The following SLC4A4 variants were observed in gnomAD, a reference collection of about 807,000 sequenced individuals.
SLC4A4 encodes the protein solute carrier family 4 member 4.
A neutral mutation model predicts 111.5 loss-of-function variants in SLC4A4; 27 were observed. The ratio of observed to expected loss-of-function variants is 0.24; its 90% CI spans 0.18 to 0.33. SLC4A4 has a LOEUF of 0.33. SLC4A4 is among the 10% of genes least tolerant of loss of function. SLC4A4 has a pLI of 1.00. For missense variants in SLC4A4, 909 were observed against 1,315.5 expected, an observed-to-expected ratio of 0.69 and a Z score of 4.78; for synonymous variants, 443 against 463.4, an observed-to-expected ratio of 0.96 and a Z score of 0.57.
chr4:71,191,596 G>A (rs1175879588), intron 1 of SLC4A4, among the ~76,000 whole-genome samples: 2 of 152,168 alleles, frequency 1.3e-5, no homozygotes, highest in African/African-American at 4.8e-5. Context: ...TTAAAGTGAT[G>A]GTTTCCATTT....
chr4:71,268,419 C>T (rs534904304), intron 3 of SLC4A4, among the ~76,000 whole-genome samples: 2 of 152,246 alleles, frequency 1.3e-5, no homozygotes, highest in Non-Finnish European at 2.9e-5. Flanking sequence ...CCCTCAATGT[C>T]GTCCATCCAA....
chr4:71,354,312 T>C (rs549012941), intron 5 of SLC4A4, among the ~76,000 whole-genome samples: 5 of 152,374 alleles, frequency 3.3e-5, no homozygotes, highest in Admixed American at 2.6e-4. Context: ...TGTTGGCAGA[T>C]GTATTGGTCC....
chr4:71,328,538 T>C (rs1199579263), intron 3 of SLC4A4, among the ~76,000 whole-genome samples: 1 of 152,132 alleles, frequency 6.6e-6, no homozygotes, highest in Admixed American at 6.6e-5. Flanking sequence ...TATGATCTCA[T>C]TGTAGTTTTG....
chr4:71,094,599 T>G (rs188049872), intron 2 of SLC4A4, among the ~76,000 whole-genome samples: 78 of 152,344 alleles, frequency 5.1e-4, no homozygotes, highest in Non-Finnish European at 9.4e-4. Flanking sequence ...GATATGTAGT[T>G]AGGGGAAGCT....
chr4:71,157,482 C>A (rs111323160), intron 2 of SLC4A4, among the ~76,000 whole-genome samples: 2,023 of 152,026 alleles, frequency 0.013, 44 homozygotes, highest in African/African-American at 0.047. Flanking sequence ...TTTTTTATGT[C>A]TAGATCTTTT....
At chr4:71,438,397 A>G in intron 7 of SLC4A4, among the ~76,000 whole-genome samples, 1 of 152,230 alleles carries the variant, frequency 6.6e-6, no homozygotes, top group East Asian at 1.9e-4. Flanking sequence ...CAATGTGATA[A>G]TAAGACTTGT....
chr4:71,115,327 A>G (rs892072693), intron 2 of SLC4A4, among the ~76,000 whole-genome samples: 8 of 152,134 alleles, frequency 5.3e-5, no homozygotes, highest in Non-Finnish European at 8.8e-5. Flanking sequence ...CCTAAAACTT[A>G]AAGTGTAATA....
At chr4:71,433,313 GT>G (rs1440946507) in intron 7 of SLC4A4, among the ~76,000 whole-genome samples, 1 of 151,306 alleles carries the variant, frequency 6.6e-6, no homozygotes, top group African/African-American at 2.4e-5. Flanking sequence ...AACTCTGTGT[GT>G]TCCCATCTAA....
intron 1 of SLC4A4, among the ~76,000 whole-genome samples, chr4:71,088,836 C>G (rs1410905177): frequency 6.6e-6 from 1 of 152,040 alleles, no homozygotes; most frequent in Non-Finnish European, 1.5e-5. Flanking sequence ...CTGCCCTTAA[C>G]ATTTTTTCCT....
intron 2 of SLC4A4, among the ~76,000 whole-genome samples, chr4:71,100,894 G>C (rs1742709794): frequency 6.6e-6 from 1 of 152,222 alleles, no homozygotes; most frequent in Non-Finnish European, 1.5e-5. Flanking sequence ...CCAGGGAGGT[G>C]AAAGATTTCT....
At chr4:71,157,518 A>G (rs776714983) in intron 2 of SLC4A4, among the ~76,000 whole-genome samples, 1 of 152,186 alleles carries the variant, frequency 6.6e-6, no homozygotes, top group Non-Finnish European at 1.5e-5. Context: ...AAAAATTAGC[A>G]TAAGCAATAT....
At chr4:71,549,221 C>G (rs577258763) in intron 20 of SLC4A4, among the ~76,000 whole-genome samples, 1 of 152,010 alleles carries the variant, frequency 6.6e-6, no homozygotes, top group Non-Finnish European at 1.5e-5. Context: ...TGGTGACTTT[C>G]ACAGCATTGA....
At position 71,440,492 on chromosome 4, in the gene SLC4A4, T is replaced by TA. The variant is rs879186375; in HGVS notation, c.808-119dup. On this transcript the variant is annotated intron_variant, in intron 7 of 25. Transcript: ENST00000264485. ...CTAGAACATGTTGCATGTCAATTTGTAAAAAGGAATTTCCTGTGAGTGATA... is the reference window on the plus strand; with the variant it reads ...CTAGAACATGTTGCATGTCAATTTGTAAAAAAGGAATTTCCTGTGAGTGATA... 102 of 1,049,844 alleles carry TA rather than the reference T, an allele frequency of 9.7e-5. 1 individual carries two copies. The South Asian group carries it at 1.3e-3, about 13-fold the overall frequency. The allele number at this position is 1,049,844 out of a possible 1,614,324, so 65.0% of individuals were successfully genotyped here.
At chr4:71,203,611 A>T (rs1338993911) in intron 1 of SLC4A4, among the ~76,000 whole-genome samples, 1 of 152,188 alleles carries the variant, frequency 6.6e-6, no homozygotes, top group African/African-American at 2.4e-5. Context: ...GGCGAAAAAC[A>T]TGCATTTCTC....
intron 16 of SLC4A4, among the ~76,000 whole-genome samples, chr4:71,521,941 G>A (rs1732970732): frequency 6.6e-6 from 1 of 152,100 alleles, no homozygotes; most frequent in Admixed American, 6.5e-5. Flanking sequence ...CCTTTGCTGA[G>A]GCCCATGGTC....
At chr4:71,491,337 A>G (rs537537785) in intron 15 of SLC4A4, among the ~76,000 whole-genome samples, 4 of 151,844 alleles carry the variant, frequency 2.6e-5, no homozygotes, top group Non-Finnish European at 5.9e-5. Flanking sequence ...ATCAGTCAGT[A>G]CTCAAAAGGG....
chr4:71,412,331 C>T (rs1193217070), intron 7 of SLC4A4, among the ~76,000 whole-genome samples: 1 of 152,114 alleles, frequency 6.6e-6, no homozygotes, highest in African/African-American at 2.4e-5. Context: ...GGGCACTAAC[C>T]TAAGAAGAAA....
chr4:71,301,276 C>T (rs1021824015), intron 3 of SLC4A4: 14 of 251,346 alleles, frequency 5.6e-5, no homozygotes, highest in Admixed American at 1.0e-4. Flanking sequence ...TATGGAGCCA[C>T]CTCCCAGTAG....
chr4:71,161,447 A>G (rs1396974845), intron 2 of SLC4A4, among the ~76,000 whole-genome samples: 2 of 152,112 alleles, frequency 1.3e-5, no homozygotes, highest in African/African-American at 4.8e-5. Flanking sequence ...TTAGGTATAG[A>G]GTTGATGGTT....
Sources: allele counts gnomAD v4.1 joint callset (sites outside exome capture counted in the v4.1 genomes callset), GRCh38; gene constraint gnomAD v4.1.1; transcripts MANE v1.5; gene names NCBI Gene and HGNC (gene_info 2026-07-23, HGNC 2026-07-21).